Variants in DOCK9 observed in about 807,000 individuals in gnomAD.
DOCK9 encodes the protein dedicator of cytokinesis protein 9.
A neutral mutation model predicts 263.3 loss-of-function variants in DOCK9; 89 were observed. The ratio of observed to expected loss-of-function variants is 0.34; its 90% CI spans 0.28 to 0.40. The LOEUF is 0.40. Among genes scored for constraint, DOCK9 ranks in the 10% least tolerant of loss-of-function variants. The pLI, the probability that DOCK9 is intolerant of heterozygous loss-of-function variation, is 1.00. For missense variants in DOCK9, 2,140 were observed against 2,603.4 expected, an observed-to-expected ratio of 0.82 and a Z score of 3.87; for synonymous variants, 976 against 973.1, an observed-to-expected ratio of 1.00 and a Z score of -0.06.
At chr13:99,008,984 G>A (rs959053486) in intron 1 of DOCK9, among the ~76,000 whole-genome samples, 40 of 152,218 alleles carry the variant, frequency 2.6e-4, no homozygotes, top group African/African-American at 8.7e-4. Context: ...TTTATGAATA[G>A]TGGTATTTGT....
intron 1 of DOCK9, among the ~76,000 whole-genome samples, chr13:98,975,484 C>G (rs903671351): frequency 1.3e-5 from 2 of 150,738 alleles, no homozygotes; most frequent in Admixed American, 1.3e-4. Context: ...CACACACACA[C>G]ACACACACAC....
At chr13:98,938,216 A>T (rs1283543923) in intron 2 of DOCK9, among the ~76,000 whole-genome samples, 1 of 152,258 alleles carries the variant, frequency 6.6e-6, no homozygotes, top group East Asian at 1.9e-4. Flanking sequence ...AGAAATGTGA[A>T]GCGAATCGTT....
At chr13:98,846,210 G>T (rs1265579737) in intron 37 of DOCK9, 150 bp from the exon 38 acceptor site, 4 of 997,288 alleles carry the variant, frequency 4.0e-6, no homozygotes, top group Non-Finnish European at 5.8e-6. Flanking sequence ...ACAGACAGGC[G>T]GCAGCTCCTG....
intron 1 of DOCK9, among the ~76,000 whole-genome samples, chr13:99,017,020 C>A (rs1191058970): frequency 6.6e-6 from 1 of 152,076 alleles, no homozygotes; most frequent in East Asian, 1.9e-4. Context: ...CCACAGAAAA[C>A]CAAAAATCTA....
intron 45 of DOCK9, among the ~76,000 whole-genome samples, chr13:98,815,611 A>G (rs1195535686): frequency 6.6e-6 from 1 of 152,108 alleles, no homozygotes; most frequent in Non-Finnish European, 1.5e-5. Flanking sequence ...CCTCCCGAGT[A>G]GCTGGGACAA....
rs1205761476 is a variant in DOCK9, at chr13:98,880,665, T to C, written c.2753A>G (p.Tyr918Cys). 5.6e-6 allele frequency: 9 copies of C among 1,613,392 alleles called. No homozygotes were observed. Among genetic ancestry groups the C allele is most frequent in the East Asian group, 2.2e-5 (1 of 44,868 alleles). ...AGAGGCAACATATGGCTCAGCCTTA[T>C]ACGCGTACTTTGAAGAAAAGAGAAA... ...SHLRSYVKYA[Y>C]KAEPYVASEY... The change falls in exon 26 of 53, where the codon TAT becomes TGT. Residue 918 changes from tyrosine (Y) to cysteine (C), a missense_variant. This residue lies in a region of DOCK9 where 1,521 missense variants were observed against 1,741.7 expected (regional missense o/e 0.87). Transcript: ENST00000682017.
chr13:98,880,426 C>T, intron 26 of DOCK9, 121 bp downstream of exon 26: 4 of 1,301,964 alleles, frequency 3.1e-6, no homozygotes, highest in East Asian at 2.5e-5. Context: ...GAGAACACTA[C>T]CCCTTTTTAG....
intron 12 of DOCK9, 54 bp downstream of exon 12, chr13:98,902,234 G>A: frequency 1.9e-6 from 3 of 1,581,894 alleles, no homozygotes; most frequent in Non-Finnish European, 2.6e-6. Context: ...GGTGCATTTA[G>A]GTAGCATGCA....
intron 19 of DOCK9, 28 bp downstream of exon 19, chr13:98,886,504 T>C: frequency 1.2e-6 from 2 of 1,601,184 alleles, no homozygotes; most frequent in South Asian, 1.1e-5. Flanking sequence ...CTGGTCAAAT[T>C]CGGTTTTCCC....
At chr13:98,837,291 T>C (rs78256986) in intron 39 of DOCK9, among the ~76,000 whole-genome samples, 2,360 of 152,268 alleles carry the variant, frequency 0.015, 67 homozygotes, top group African/African-American at 0.054. Flanking sequence ...CACTGACCAG[T>C]TAAATTTTAT....
intron 1 of DOCK9, among the ~76,000 whole-genome samples, chr13:98,990,129 G>C (rs1253285508): frequency 6.6e-6 from 1 of 152,192 alleles, no homozygotes; most frequent in African/African-American, 2.4e-5. Flanking sequence ...ACCATCATAG[G>C]ATGGTAACTA....
intron 2 of DOCK9, chr13:98,950,223 A>G: frequency 1.9e-6 from 2 of 1,051,636 alleles, no homozygotes; most frequent in Non-Finnish European, 2.7e-6. Context: ...CCAAGGCATG[A>G]GGTTTCACTT....
chr13:98,966,168 CT>C (rs2141230625), intron 1 of DOCK9, among the ~76,000 whole-genome samples: 1 of 152,370 alleles, frequency 6.6e-6, no homozygotes, highest in Non-Finnish European at 1.5e-5. Flanking sequence ...ATTTAGGAGA[CT>C]TCCTCCATGT....
At chr13:99,053,154 CCA>C (rs2040778598) in intron 1 of DOCK9, among the ~76,000 whole-genome samples, 1 of 152,198 alleles carries the variant, frequency 6.6e-6, no homozygotes, top group African/African-American at 2.4e-5. Context: ...CTCCCAGCTG[CCA>C]CTGTGTTCAC....
chr13:98,890,232 C>T (rs1595022326), intron 15 of DOCK9, among the ~76,000 whole-genome samples: 2 of 152,270 alleles, frequency 1.3e-5, no homozygotes, highest in South Asian at 2.1e-4. Context: ...AGATACTGCA[C>T]AGTATATTGC....
intron 1 of DOCK9, among the ~76,000 whole-genome samples, chr13:99,036,096 C>T (rs189165470): frequency 6.6e-6 from 1 of 152,208 alleles, no homozygotes; most frequent in African/African-American, 2.4e-5. Flanking sequence ...TCGTTTAAGC[C>T]AATTCCTTAA....
intron 51 of DOCK9, 38 bp from the exon 52 acceptor site, chr13:98,797,291 A>C: frequency 6.2e-7 from 1 of 1,613,076 alleles, no homozygotes; most frequent in Non-Finnish European, 8.5e-7. Context: ...AGGCACGCAG[A>C]GGATAAGGCA....
At chr13:98,885,665 G>A (rs777117820) in intron 20 of DOCK9, 43 bp downstream of exon 20, 1 of 1,560,724 alleles carries the variant, frequency 6.4e-7, no homozygotes, top group Non-Finnish European at 8.6e-7. Flanking sequence ...AGAACCTAAT[G>A]TTTCAATTAT....
At chr13:99,069,815 A>G (rs996240310) in intron 1 of DOCK9, among the ~76,000 whole-genome samples, 2 of 152,262 alleles carry the variant, frequency 1.3e-5, no homozygotes, top group East Asian at 3.8e-4. Context: ...AGAAACTCCA[A>G]CTTCAAAATG....
Sources: allele counts gnomAD v4.1 joint callset (sites outside exome capture counted in the v4.1 genomes callset), GRCh38; gene constraint gnomAD v4.1.1; regional missense constraint gnomAD v4.1.1; transcripts MANE v1.5; gene names NCBI Gene and HGNC (gene_info 2026-07-23, HGNC 2026-07-21).